C1orf185: variants seen among roughly 807,000 people sequenced by gnomAD.
The protein encoded by C1orf185 is chromosome 1 open reading frame 185.
In C1orf185, 13 loss-of-function variants were observed where a neutral mutation model predicts 16.1. The observed-to-expected ratio is 0.81, with a 90% CI of 0.53 to 1.28. The LOEUF (loss-of-function observed/expected upper bound fraction) is 1.28, where lower values mean the gene tolerates loss of function less well. C1orf185 is among the 50% of genes most tolerant of loss of function. The probability of loss-of-function intolerance (pLI) is 0.00; values close to 1 mark genes in which losing one functional copy is unlikely to be tolerated. For missense variants in C1orf185, 220 were observed against 225.2 expected (o/e 0.98, Z 0.15); for synonymous variants, 80 against 76.9 (o/e 1.04, Z -0.21).
chr1:51,107,763 G>T (rs1646084476), intron 1 of C1orf185, among the ~76,000 whole-genome samples: 1 of 152,124 alleles, frequency 6.6e-6, no homozygotes, highest in African/African-American at 2.4e-5. Context: ...CTTTATGTCT[G>T]CCTTCTTTTG....
intron 3 of C1orf185, among the ~76,000 whole-genome samples, chr1:51,124,142 C>T (rs1026327823): frequency 3.6e-5 from 5 of 139,590 alleles, no homozygotes; most frequent in East Asian, 2.1e-4. Context: ...AGTGCAGTGG[C>T]GTGATCTCGG....
At chr1:51,113,153 G>A (rs192813523) in intron 2 of C1orf185, among the ~76,000 whole-genome samples, 10 of 151,864 alleles carry the variant, frequency 6.6e-5, no homozygotes, top group African/African-American at 2.2e-4. Flanking sequence ...TGATTGTAAT[G>A]GTAGGTGAAA....
At position 51,111,370 on chromosome 1, in the gene C1orf185, C is replaced by CTTTTTTTT. The variant is rs35232347; in HGVS notation, c.17-1091_17-1090insTTTTTTTT. ...ATATTGCTTTCATTTAGCTTTCTTT[C>CTTTTTTTT]TTTCTTTTTTTTTTTTTTTGAGAGA... On this transcript the variant is annotated intron_variant, in intron 1 of 4. Coordinates refer to ENST00000371759, the MANE Select transcript of C1orf185 (RefSeq NM_001136508.2). Among the ~76,000 whole-genome samples, 752 of 114,146 alleles carry CTTTTTTTT rather than the reference C, an allele frequency of 6.6e-3. 39 individuals carry two copies. Among genetic ancestry groups the CTTTTTTTT allele is most frequent in the African/African-American group, 0.025 (677 of 27,134 alleles). 74.9% of individuals were successfully genotyped at this position (114,146 alleles called of 152,430 possible). A position where few individuals can be genotyped will look rare whatever the true frequency, so the allele number is the denominator to read the frequency against.
chr1:51,148,596 T>A (rs895259137), downstream of C1orf185, among the ~76,000 whole-genome samples: 6 of 152,106 alleles, frequency 3.9e-5, no homozygotes, highest in Admixed American at 3.3e-4. Context: ...TAGTAAGCAG[T>A]ATAATTTTGC....
At chr1:51,124,812 T>C (rs1334755448) in intron 3 of C1orf185, among the ~76,000 whole-genome samples, 1 of 152,224 alleles carries the variant, frequency 6.6e-6, no homozygotes, top group African/African-American at 2.4e-5. Context: ...TTTGTCACCA[T>C]CTGCTGGTTC....
rs1646406941 is a variant in C1orf185, at chr1:51,147,330, T to G, written c.296-137T>G. 4.5e-6 allele frequency: 3 copies of G among 665,262 alleles called. No homozygotes were observed. The African/African-American group carries it at 5.5e-5, about 12-fold the overall frequency. The allele number at this position is 665,262 out of a possible 1,614,324, so 41.2% of individuals were successfully genotyped here. A position where few individuals can be genotyped will look rare whatever the true frequency, so the allele number is the denominator to read the frequency against. On this transcript the variant is annotated intron_variant, in intron 4 of 4. Coordinates refer to ENST00000371759, the MANE Select transcript of C1orf185 (RefSeq NM_001136508.2). ...TTATCATGAAAATATTGCTAATTCCTAATTACATATAACACTGTGTGGATG... is the reference window on the plus strand; with the variant it reads ...TTATCATGAAAATATTGCTAATTCCGAATTACATATAACACTGTGTGGATG...
At chr1:51,111,799 C>G (rs111408170) in intron 1 of C1orf185, among the ~76,000 whole-genome samples, 3 of 152,250 alleles carry the variant, frequency 2.0e-5, no homozygotes, top group African/African-American at 7.2e-5. Context: ...GGATTACAGG[C>G]GTGAGCCACG....
intron 3 of C1orf185, among the ~76,000 whole-genome samples, chr1:51,131,796 A>G (rs555756589): frequency 6.6e-6 from 1 of 152,322 alleles, no homozygotes; most frequent in South Asian, 2.1e-4. Context: ...TTTTCTGGCT[A>G]GTACATAGAA....
At chr1:51,151,239 G>A (rs1256174246), downstream of C1orf185, among the ~76,000 whole-genome samples, 1 of 152,182 alleles carries the variant, frequency 6.6e-6, no homozygotes, top group Non-Finnish European at 1.5e-5. Flanking sequence ...AGGTGTAACA[G>A]GTTCAAATTC....
chr1:51,144,685 C>G (rs1044089108), intron 3 of C1orf185, among the ~76,000 whole-genome samples: 9 of 151,868 alleles, frequency 5.9e-5, no homozygotes, highest in African/African-American at 1.2e-4. Context: ...TGCACCCCAT[C>G]CTGGGTGACA....
chr1:51,111,225 A>C (rs1417028421), intron 1 of C1orf185, among the ~76,000 whole-genome samples: 1 of 152,002 alleles, frequency 6.6e-6, no homozygotes, highest in Non-Finnish European at 1.5e-5. Context: ...TTGCTGCATA[A>C]CCTTAGTTTA....
intron 3 of C1orf185, among the ~76,000 whole-genome samples, chr1:51,133,789 C>T (rs1024290758): frequency 6.6e-6 from 1 of 152,178 alleles, no homozygotes; most frequent in African/African-American, 2.4e-5. Flanking sequence ...ACTCTAAAAT[C>T]GATTACATAA....
intron 3 of C1orf185, among the ~76,000 whole-genome samples, chr1:51,143,732 G>A (rs1646381546): frequency 6.6e-6 from 1 of 152,128 alleles, no homozygotes; most frequent in Admixed American, 6.5e-5. Context: ...GGCTTGATGC[G>A]GCTCACTGCA....
At chr1:51,108,436 T>C (rs901650597) in intron 1 of C1orf185, among the ~76,000 whole-genome samples, 3 of 152,208 alleles carry the variant, frequency 2.0e-5, no homozygotes, top group African/African-American at 7.2e-5. Context: ...TTTAGAACAT[T>C]ACAATTCTTA....
intron 3 of C1orf185, among the ~76,000 whole-genome samples, chr1:51,138,699 T>C (rs1646343739): frequency 6.6e-6 from 1 of 151,654 alleles, no homozygotes; most frequent in Non-Finnish European, 1.5e-5. Context: ...CCCAGAATTT[T>C]TTTTTTAAGA....
chr1:51,103,410 A>AACACAC (rs367808687), intron 1 of C1orf185, among the ~76,000 whole-genome samples: 9,313 of 128,734 alleles, frequency 0.072, 380 homozygotes, highest in Admixed American at 0.11. Context: ...TGTCTCGAAA[A>AACACAC]ACACACACAC....
downstream of C1orf185, among the ~76,000 whole-genome samples, chr1:51,151,698 T>G (rs1215585863): frequency 6.6e-6 from 1 of 152,038 alleles, no homozygotes; most frequent in Non-Finnish European, 1.5e-5. Context: ...TATTTTATTT[T>G]TATTTTTTGA....
Position 51,147,490 on chromosome 1 carries a change from GAACCCC to G in C1orf185, c.323_328del (p.Pro108_Gln109del). 1.3e-6 allele frequency: 2 copies of G among 1,539,310 alleles called. No individual in the cohort carries two copies. The highest frequency in any genetic ancestry group is 1.8e-6 in the Non-Finnish European group (2 of 1,142,430). On this transcript the variant is annotated inframe_deletion, in exon 5 of 5. Transcript: ENST00000371759. ...AGCAATTAAAGATCATTCTAAAGAT[GAACCCC>G]AACTTGCAACAAAAAATATCATTTG...
intron 3 of C1orf185, among the ~76,000 whole-genome samples, chr1:51,136,798 A>G (rs1646328566): frequency 6.6e-6 from 1 of 152,190 alleles, no homozygotes; most frequent in African/African-American, 2.4e-5. Context: ...CCAAATGTAT[A>G]AAAACCCTGG....
Sources: allele counts gnomAD v4.1 joint callset (sites outside exome capture counted in the v4.1 genomes callset), GRCh38; gene constraint gnomAD v4.1.1; transcripts MANE v1.5; gene names NCBI Gene and HGNC (gene_info 2026-07-23, HGNC 2026-07-21).